HELLS: variants seen among roughly 807,000 people sequenced by gnomAD.
HELLS encodes lymphoid-specific helicase.
Under a neutral mutation model 120.0 loss-of-function variants are expected in HELLS, and 32 were observed. That is an observed-to-expected ratio of 0.27 (90% CI 0.20 to 0.36). The LOEUF (loss-of-function observed/expected upper bound fraction) is 0.36, where lower values mean the gene tolerates loss of function less well. Among genes scored for constraint, HELLS ranks in the 10% least tolerant of loss-of-function variants. The probability of loss-of-function intolerance (pLI) is 1.00; values close to 1 mark genes in which losing one functional copy is unlikely to be tolerated. For synonymous variants in HELLS, 341 were observed against 323.4 expected (o/e 1.05, Z -0.58); for missense variants, 650 against 993.4 (o/e 0.65, Z 4.65).
In HELLS at chr10:94,588,351, T is replaced by G. The variant is rs755585923; in HGVS notation, c.1449T>G (p.Ile483Met). Reference sequence around the variant, plus strand: ...AGCAGGAGATCTTTTATACAGCCATTGTGAACCGTACAATTGCAAACATGT... The same window carrying G: ...AGCAGGAGATCTTTTATACAGCCATGGTGAACCGTACAATTGCAAACATGT... ...SKKQEIFYTA[I>M]VNRTIANMFG... is the part of the protein sequence containing the mutation. The change falls in exon 13 of 22, where the codon ATT (isoleucine) becomes ATG (methionine). Residue 483 changes from isoleucine (I) to methionine (M), a missense_variant. Coordinates refer to ENST00000348459, the MANE Select transcript of HELLS (RefSeq NM_018063.5). The G allele has an allele frequency of 6.2e-7, 1 of 1,611,624 alleles. No homozygotes were observed. The highest frequency in any genetic ancestry group is 1.7e-5 in the Admixed American group (1 of 59,682).
At chr10:94,605,079 C>T (rs911716153), downstream of HELLS, among the ~76,000 whole-genome samples, 2 of 128,926 alleles carry the variant, frequency 1.6e-5, no homozygotes, top group Admixed American at 7.5e-5. Flanking sequence ...GTCTCCCCCC[C>T]CCCCCCTTTT....
chr10:94,559,635 A>G (rs1843448143), intron 4 of HELLS, among the ~76,000 whole-genome samples: 1 of 151,908 alleles, frequency 6.6e-6, no homozygotes, highest in South Asian at 2.1e-4. Context: ...TAGTAGAGAC[A>G]GGGTTTCACC....
chr10:94,606,564 C>T (rs7902578), downstream of HELLS, among the ~76,000 whole-genome samples: 1,302 of 151,950 alleles, frequency 8.6e-3, 18 homozygotes, highest in African/African-American at 0.03. Context: ...TGCCCAGGCT[C>T]GTCTTGAATT....
At chr10:94,606,778 A>G (rs1846133991), downstream of HELLS, among the ~76,000 whole-genome samples, 1 of 152,096 alleles carries the variant, frequency 6.6e-6, no homozygotes, top group Non-Finnish European at 1.5e-5. Flanking sequence ...CCTTGGGATC[A>G]TTTACTGTTC....
intron 21 of HELLS, among the ~76,000 whole-genome samples, chr10:94,599,421 A>G (rs1210188829): frequency 6.6e-6 from 1 of 152,138 alleles, no homozygotes; most frequent in East Asian, 1.9e-4. Context: ...TGGTGTGATC[A>G]TGGCTCACTG....
intron 17 of HELLS, among the ~76,000 whole-genome samples, 186 bp from the exon 18 acceptor site, chr10:94,593,313 A>G (rs551031201): frequency 7.2e-5 from 11 of 152,316 alleles, no homozygotes; most frequent in Admixed American, 5.9e-4. Context: ...TCTCTTTAAT[A>G]TAGGTGCTTG....
intron 12 of HELLS, among the ~76,000 whole-genome samples, chr10:94,586,902 C>G (rs1589751580): frequency 6.6e-6 from 1 of 152,036 alleles, no homozygotes; most frequent in Non-Finnish European, 1.5e-5. Context: ...ACCATGTTGG[C>G]CAGGCTAGTC....
intron 19 of HELLS, among the ~76,000 whole-genome samples, chr10:94,596,123 A>C (rs1845726476): frequency 1.3e-5 from 2 of 152,118 alleles, no homozygotes; most frequent in South Asian, 4.2e-4. Context: ...GCTCAGCCCT[A>C]TTTTCGATTT....
chr10:94,607,022 A>G (rs1846136608), downstream of HELLS, among the ~76,000 whole-genome samples: 1 of 152,070 alleles, frequency 6.6e-6, no homozygotes, highest in South Asian at 2.1e-4. Context: ...AGGAGGAGGG[A>G]CAGTGTATTA....
intron 4 of HELLS, among the ~76,000 whole-genome samples, chr10:94,559,845 C>G (rs776817312): frequency 6.6e-6 from 1 of 152,146 alleles, no homozygotes; most frequent in African/African-American, 2.4e-5. Context: ...TTGAAAATGT[C>G]ATAACCAGAG....
intron 21 of HELLS, among the ~76,000 whole-genome samples, chr10:94,597,680 C>T (rs1845803737): frequency 6.6e-6 from 1 of 152,006 alleles, no homozygotes; most frequent in African/African-American, 2.4e-5. Flanking sequence ...TTACAGTCGC[C>T]TGCCACCACA....
chr10:94,548,228 T>G (rs1341917096), intron 2 of HELLS, among the ~76,000 whole-genome samples: 1 of 152,222 alleles, frequency 6.6e-6, no homozygotes. Context: ...AATGGTATTT[T>G]ATAATATACA....
At position 94,587,484 on chromosome 10, in the gene HELLS, G is replaced by A. The variant is rs373893028; in HGVS notation, c.1327-745G>A. 5.3e-5 allele frequency among the ~76,000 whole-genome samples: 8 copies of A among 152,236 alleles called. No individual in the cohort carries two copies. The East Asian group carries it at 7.7e-4, about 15-fold the overall frequency. On this transcript the variant is annotated intron_variant, in intron 12 of 21. Coordinates refer to ENST00000348459, the MANE Select transcript of HELLS (RefSeq NM_018063.5). ...GCTCTGTCACCCAGGCTGGAGTGCA[G>A]TGGCACAATCCTGGTTCACTGCAAC...
chr10:94,574,537 T>C lies in HELLS; in HGVS notation c.706-17T>C. 1 of 1,576,420 alleles carries C rather than the reference T, an allele frequency of 6.3e-7. No individual in the cohort carries two copies. The highest frequency in any genetic ancestry group is 1.1e-5 in the South Asian group (1 of 89,886). On this transcript the variant is annotated splice_polypyrimidine_tract_variant and intron_variant, in intron 8 of 21. Transcript: ENST00000348459. ...TTTATATCCAAGTTTAAATACAGTA[T>C]CTATTATTTTGTCCAGATGCTTTGG...
chr10:94,585,334 A>G (rs1013050395), intron 12 of HELLS, among the ~76,000 whole-genome samples: 2 of 150,846 alleles, frequency 1.3e-5, no homozygotes, highest in Admixed American at 1.3e-4. Context: ...TCTTATCTCC[A>G]AAGTATAACT....
At chr10:94,604,894 T>C (rs894528432), downstream of HELLS, among the ~76,000 whole-genome samples, 3 of 152,102 alleles carry the variant, frequency 2.0e-5, no homozygotes, top group Non-Finnish European at 4.4e-5. Flanking sequence ...AAAACAGATC[T>C]CATGATTCAG....
intron 21 of HELLS, among the ~76,000 whole-genome samples, chr10:94,598,004 C>CTT (rs1399975616): frequency 9.2e-5 from 13 of 141,910 alleles, no homozygotes; most frequent in Admixed American, 4.2e-4. Flanking sequence ...TATATTGCTT[C>CTT]TTTTTTTTTT....
In HELLS at chr10:94,549,213, C is replaced by T. The variant is rs536265873; in HGVS notation, c.153+2715C>T. 4.6e-5 allele frequency among the ~76,000 whole-genome samples: 7 copies of T among 152,266 alleles called. No individual in the cohort carries two copies. In the South Asian group the frequency reaches 1.5e-3, roughly 32 times the overall value. On this transcript the variant is annotated intron_variant, in intron 2 of 21. Transcript: ENST00000348459. ...TCTCTACCTACTTGAGATTAATAAA[C>T]ATGTCTTTGGAGGCCAAACAATTAA...
intron 7 of HELLS, 61 bp downstream of exon 7, chr10:94,571,490 CCTTTTT>C (rs1844160106): frequency 7.5e-7 from 1 of 1,338,554 alleles, no homozygotes; most frequent in South Asian, 1.3e-5. Context: ...AGTTACTAGT[CCTTTTT>C]CTTTAATCAG....
Sources: allele counts gnomAD v4.1 joint callset (sites outside exome capture counted in the v4.1 genomes callset), GRCh38; gene constraint gnomAD v4.1.1; transcripts MANE v1.5; gene names NCBI Gene and HGNC (gene_info 2026-07-23, HGNC 2026-07-21).